Variants in PIP4K2A observed in about 807,000 individuals in gnomAD.
The protein encoded by PIP4K2A is phosphatidylinositol-5-phosphate 4-kinase type 2 alpha, also known as phosphatidylinositol 5-phosphate 4-kinase type-2 alpha.
A neutral mutation model predicts 42.9 loss-of-function variants in PIP4K2A; 14 were observed. The observed-to-expected ratio is 0.33, with a 90% CI of 0.22 to 0.51. The LOEUF is 0.51. PIP4K2A is among the 20% of genes least tolerant of loss of function. PIP4K2A has a pLI of 0.97. For synonymous variants in PIP4K2A, 192 were observed against 192.2 expected (o/e 1.00, Z 0.01); for missense variants, 434 against 519.8 (o/e 0.83, Z 1.61).
chr10:22,600,549 A>G (rs1457625103), intron 3 of PIP4K2A, among the ~76,000 whole-genome samples: 1 of 152,094 alleles, frequency 6.6e-6, no homozygotes, highest in Non-Finnish European at 1.5e-5. Flanking sequence ...CAGGCCTCCT[A>G]ACTTCCCGGA....
intron 1 of PIP4K2A, among the ~76,000 whole-genome samples, chr10:22,660,744 T>A (rs922432473): frequency 2.0e-5 from 3 of 152,074 alleles, no homozygotes; most frequent in Non-Finnish European, 2.9e-5. Context: ...TACAGCCTCC[T>A]AACTCTATGA....
At position 22,681,491 on chromosome 10, in the gene PIP4K2A, C is replaced by T. The variant is rs116528671; in HGVS notation, c.144+32692G>A. ...GAGTTTGAGACCAGCCTTGGCAACACAGTGAGACCTTGTCTCTTCAAAAAA... is the reference window on the plus strand; with the variant it reads ...GAGTTTGAGACCAGCCTTGGCAACATAGTGAGACCTTGTCTCTTCAAAAAA... On this transcript the variant is annotated intron_variant, in intron 1 of 9. Transcript: ENST00000376573. 5.7e-3 allele frequency among the ~76,000 whole-genome samples: 871 copies of T among 152,210 alleles called. 5 individuals are homozygous for T. The highest frequency in any genetic ancestry group is 0.02 in the African/African-American group (822 of 41,532).
chr10:22,672,882 C>A (rs1318681894), intron 1 of PIP4K2A, among the ~76,000 whole-genome samples: 1 of 152,196 alleles, frequency 6.6e-6, no homozygotes, highest in Non-Finnish European at 1.5e-5. Flanking sequence ...CATTCTCCAA[C>A]AAGCAGCAAT....
rs561385116 is a variant in PIP4K2A, at chr10:22,612,316, A to G, written c.145-2599T>C. 1.9e-3 allele frequency among the ~76,000 whole-genome samples: 295 copies of G among 152,336 alleles called. 2 individuals are homozygous for G. The highest frequency in any genetic ancestry group is 6.8e-3 in the Middle Eastern group (2 of 294). On this transcript the variant is annotated intron_variant, in intron 1 of 9. Coordinates refer to ENST00000376573, the MANE Select transcript of PIP4K2A (RefSeq NM_005028.5). ...AATGACAGAGTCAGGAGGGAGAAGC[A>G]CAATGGGCTACGAGCAAGTATGGAA...
intron 1 of PIP4K2A, among the ~76,000 whole-genome samples, chr10:22,668,482 G>T (rs45520040): frequency 0.12 from 18,168 of 152,004 alleles, 1,224 homozygotes; most frequent in Middle Eastern, 0.21. Context: ...GGATCATATT[G>T]AAATATCATA....
intron 1 of PIP4K2A, among the ~76,000 whole-genome samples, chr10:22,689,082 G>A (rs548864788): frequency 3.9e-5 from 6 of 152,266 alleles, no homozygotes; most frequent in Admixed American, 3.9e-4. Context: ...AGGAGCACAA[G>A]GGTGGGTCTG....
At chr10:22,581,793 C>T (rs1837288373) in intron 4 of PIP4K2A, among the ~76,000 whole-genome samples, 1 of 151,932 alleles carries the variant, frequency 6.6e-6, no homozygotes. Context: ...TAACAGTTTT[C>T]ACTTTTTTCT....
At chr10:22,619,647 G>C (rs1455564926) in intron 1 of PIP4K2A, among the ~76,000 whole-genome samples, 1 of 151,980 alleles carries the variant, frequency 6.6e-6, no homozygotes, top group Non-Finnish European at 1.5e-5. Context: ...ATGTTAGCCA[G>C]GCTGGTCTCG....
intron 7 of PIP4K2A, among the ~76,000 whole-genome samples, chr10:22,548,308 C>CT (rs1489089468): frequency 1.3e-5 from 2 of 152,176 alleles, no homozygotes; most frequent in Non-Finnish European, 2.9e-5. Context: ...TGGGATTAGA[C>CT]TATAGAGTCC....
chr10:22,562,321 G>A (rs1836730526), intron 6 of PIP4K2A, among the ~76,000 whole-genome samples: 1 of 152,176 alleles, frequency 6.6e-6, no homozygotes, highest in African/African-American at 2.4e-5. Flanking sequence ...GGCCGAGGCG[G>A]GTGGATCACG....
chr10:22,643,695 C>T (rs1007508950), intron 1 of PIP4K2A, among the ~76,000 whole-genome samples: 1 of 152,094 alleles, frequency 6.6e-6, no homozygotes, highest in Non-Finnish European at 1.5e-5. Flanking sequence ...TCTGATTGTC[C>T]CCAAGGACCA....
chr10:22,667,981 TC>T (rs1839382420), intron 1 of PIP4K2A, among the ~76,000 whole-genome samples: 2 of 151,366 alleles, frequency 1.3e-5, no homozygotes, highest in African/African-American at 4.9e-5. Flanking sequence ...AGACAGAGTC[TC>T]ACTCTATCAC....
At chr10:22,623,458 G>A (rs1011346851) in intron 1 of PIP4K2A, among the ~76,000 whole-genome samples, 2 of 152,196 alleles carry the variant, frequency 1.3e-5, no homozygotes, top group Non-Finnish European at 2.9e-5. Context: ...TCGGGGAGAA[G>A]ACAGCAGAGC....
chr10:22,590,888 G>C (rs1399155839), intron 4 of PIP4K2A, among the ~76,000 whole-genome samples: 2 of 152,176 alleles, frequency 1.3e-5, no homozygotes, highest in African/African-American at 2.4e-5. Context: ...ACCAAGACCA[G>C]AAGTCACATG....
At position 22,706,023 on chromosome 10, in the gene PIP4K2A, G is replaced by C. The variant is rs549855520; in HGVS notation, c.144+8160C>G. On this transcript the variant is annotated intron_variant, in intron 1 of 9. Coordinates refer to ENST00000376573, the MANE Select transcript of PIP4K2A (RefSeq NM_005028.5). ...GAAGAATGAACACCCAGCAAAAGGA[G>C]AAGCTCCTTATTTAAAATCATTAGG... is the stretch of plus-strand genomic sequence containing the variant. Among the ~76,000 whole-genome samples the C allele has an allele frequency of 3.3e-5, 5 of 152,026 alleles. No individual in the cohort carries two copies. In the South Asian group the frequency reaches 1.0e-3, roughly 32 times the overall value.
chr10:22,606,511 G>A (rs116679354), intron 3 of PIP4K2A, among the ~76,000 whole-genome samples: 3,949 of 152,238 alleles, frequency 0.026, 170 homozygotes, highest in African/African-American at 0.089. Context: ...CCTGGTCAGC[G>A]CTGCTTTCTC....
intron 4 of PIP4K2A, among the ~76,000 whole-genome samples, chr10:22,584,239 C>G (rs921241087): frequency 6.6e-6 from 1 of 151,534 alleles, no homozygotes; most frequent in African/African-American, 2.4e-5. Context: ...GAGCATAAAT[C>G]AAGAAACTAT....
At chr10:22,557,593 C>T (rs1337121095) in intron 6 of PIP4K2A, among the ~76,000 whole-genome samples, 2 of 152,104 alleles carry the variant, frequency 1.3e-5, no homozygotes, top group Non-Finnish European at 2.9e-5. Context: ...TTAGTAAAGC[C>T]AGAAGTTATA....
Position 22,579,973 on chromosome 10 carries a change from T to C in PIP4K2A, c.493-6516A>G, listed in dbSNP as rs144988892. On this transcript the variant is annotated intron_variant, in intron 4 of 9. Coordinates refer to ENST00000376573, the MANE Select transcript of PIP4K2A (RefSeq NM_005028.5). ...CAACCCATTCTGATGAATGTGGAGA[T>C]AAGGGAAACAAGACCTGCTCATGAC... Among the ~76,000 whole-genome samples, 18 of 150,324 alleles carry C rather than the reference T, an allele frequency of 1.2e-4. 1 individual carries two copies. In the East Asian group the frequency reaches 3.3e-3, roughly 28 times the overall value.
Sources: gnomAD v4.1 joint callset for allele counts (sites outside exome capture counted in the v4.1 genomes callset) on GRCh38, gnomAD v4.1.1 for gene constraint, MANE v1.5 for transcripts, NCBI Gene and HGNC (gene_info 2026-07-23, HGNC 2026-07-21) for gene names.